Variants in GALNT13 observed in about 807,000 individuals in gnomAD.
The protein encoded by GALNT13 is polypeptide N-acetylgalactosaminyltransferase 13.
GALNT13 carries 28 observed loss-of-function variants against 64.2 expected under a neutral mutation model. The ratio of observed to expected loss-of-function variants is 0.44; its 90% CI spans 0.32 to 0.60. GALNT13 has a LOEUF of 0.60. Ranked by LOEUF, GALNT13 falls within the 20% of genes least tolerant of loss-of-function variation. The pLI is 0.05. For missense variants in GALNT13, 577 were observed against 669.8 expected (o/e 0.86, Z 1.53); for synonymous variants, 214 against 224.6 (o/e 0.95, Z 0.42).
At chr2:153,172,180 C>G in the GALNT13 span, 2 of 152,290 alleles carry the variant, frequency 1.3e-5, no homozygotes, top group African/African-American at 4.8e-5. Context: ...TATTTGATAT[C>G]CTAGCCTAGT....
intron 6 of GALNT13, among the ~76,000 whole-genome samples, chr2:154,243,779 C>T (rs1177148902): frequency 1.3e-5 from 2 of 152,114 alleles, no homozygotes; most frequent in Non-Finnish European, 2.9e-5. Context: ...ATAGTCATTT[C>T]GTCTATAGTA....
the GALNT13 span, among the ~76,000 whole-genome samples, chr2:153,090,993 G>T: frequency 2.0e-5 from 3 of 152,100 alleles, no homozygotes; most frequent in Admixed American, 1.3e-4. Context: ...GCCTGAGGCT[G>T]TGAGCTTCCC....
At position 154,420,467 on chromosome 2, in the gene GALNT13, G is replaced by A. The variant is rs562414008; in HGVS notation, c.1395+11385G>A. 4.7e-4 allele frequency among the ~76,000 whole-genome samples: 72 copies of A among 152,062 alleles called. 1 individual carries two copies. Among genetic ancestry groups the A allele is most frequent in the African/African-American group, 1.6e-3 (67 of 41,512 alleles). ...CCTTGTCTTCAAATAGTTTTCTCCT[G>A]TTTTATGCCTAATTCGTTTTGACTT... On this transcript the variant is annotated intron_variant, in intron 11 of 12. Coordinates refer to ENST00000392825, the MANE Select transcript of GALNT13 (RefSeq NM_052917.4).
intron 8 of GALNT13, among the ~76,000 whole-genome samples, chr2:154,279,759 A>G (rs984091123): frequency 6.6e-6 from 1 of 152,158 alleles, no homozygotes; most frequent in Non-Finnish European, 1.5e-5. Flanking sequence ...TTACTCTTCT[A>G]AAGTGTAATG....
chr2:154,142,976 A>G (rs545245744), intron 4 of GALNT13, among the ~76,000 whole-genome samples: 1 of 152,256 alleles, frequency 6.6e-6, no homozygotes. Context: ...ATGTTTAAAC[A>G]TTGCATTTAT....
intron 4 of GALNT13, among the ~76,000 whole-genome samples, chr2:154,231,020 A>T (rs1432829556): frequency 1.3e-5 from 2 of 152,038 alleles, no homozygotes; most frequent in African/African-American, 4.8e-5. Context: ...CTTTAGACAA[A>T]ACTCATTTTT....
intron 8 of GALNT13, among the ~76,000 whole-genome samples, chr2:154,292,662 A>G (rs559788519): frequency 6.6e-6 from 1 of 152,316 alleles, no homozygotes; most frequent in Admixed American, 6.5e-5. Context: ...TAATCATTGT[A>G]CTATATGGTC....
the GALNT13 span, among the ~76,000 whole-genome samples, chr2:153,744,238 T>A: frequency 1.5e-4 from 23 of 152,158 alleles, no homozygotes; most frequent in Non-Finnish European, 2.5e-4. Flanking sequence ...TTTTAGTTTT[T>A]TTGAGAAACC....
intron 3 of GALNT13, among the ~76,000 whole-genome samples, chr2:154,068,578 G>A (rs1276973343): frequency 6.6e-6 from 1 of 151,864 alleles, no homozygotes; most frequent in Admixed American, 6.6e-5. Flanking sequence ...AGGTTATTAT[G>A]CAAATGAATT....
At chr2:153,198,216 G>C in the GALNT13 span, among the ~76,000 whole-genome samples, 10 of 152,184 alleles carry the variant, frequency 6.6e-5, no homozygotes, top group Admixed American at 6.5e-4. Context: ...CTGTTGCTCA[G>C]TGGGTGTGTG....
intron 4 of GALNT13, among the ~76,000 whole-genome samples, chr2:154,144,906 A>T (rs1418937388): frequency 6.6e-6 from 1 of 151,662 alleles, no homozygotes; most frequent in Non-Finnish European, 1.5e-5. Flanking sequence ...ACACATTTGT[A>T]TGTAATCCTA....
At chr2:153,150,654 G>A in the GALNT13 span, among the ~76,000 whole-genome samples, 3 of 152,092 alleles carry the variant, frequency 2.0e-5, no homozygotes, top group Admixed American at 6.6e-5. Flanking sequence ...TTTGTATAAT[G>A]TGTAAGGAAG....
chr2:154,063,534 G>T (rs72868486), intron 3 of GALNT13, among the ~76,000 whole-genome samples: 10,884 of 152,072 alleles, frequency 0.072, 466 homozygotes, highest in Middle Eastern at 0.14. Flanking sequence ...GAAGTCCTGG[G>T]TTATGCTTGG....
chr2:153,405,831 G>A, the GALNT13 span, among the ~76,000 whole-genome samples: 1 of 152,098 alleles, frequency 6.6e-6, no homozygotes, highest in South Asian at 2.1e-4. Flanking sequence ...GAACTGCCCT[G>A]CCTAGAACTT....
chr2:153,090,198 A>G, the GALNT13 span, among the ~76,000 whole-genome samples: 1 of 152,094 alleles, frequency 6.6e-6, no homozygotes, highest in African/African-American at 2.4e-5. Flanking sequence ...CTTGAGAGCT[A>G]GACTGCAGGG....
At chr2:154,419,941 A>G (rs1191805695) in intron 11 of GALNT13, among the ~76,000 whole-genome samples, 1 of 152,152 alleles carries the variant, frequency 6.6e-6, no homozygotes, top group East Asian at 1.9e-4. Flanking sequence ...CATAACTGAG[A>G]TTAATATTAC....
the GALNT13 span, among the ~76,000 whole-genome samples, chr2:153,862,576 C>G: frequency 6.6e-6 from 1 of 152,046 alleles, no homozygotes; most frequent in Non-Finnish European, 1.5e-5. Flanking sequence ...TCCTAACACT[C>G]ATAAATTAGG....
At chr2:154,164,060 T>C (rs1215241628) in intron 4 of GALNT13, among the ~76,000 whole-genome samples, 1 of 152,218 alleles carries the variant, frequency 6.6e-6, no homozygotes, top group Non-Finnish European at 1.5e-5. Flanking sequence ...TGCAAAGCTT[T>C]ATATCATACT....
At chr2:153,079,313 A>G in the GALNT13 span, among the ~76,000 whole-genome samples, 1,243 of 152,328 alleles carry the variant, frequency 8.2e-3, 18 homozygotes, top group African/African-American at 0.028. Context: ...GTCAGATGGT[A>G]AGAGAAAGTG....
Sources: allele counts gnomAD v4.1 joint callset (sites outside exome capture counted in the v4.1 genomes callset), GRCh38; gene constraint gnomAD v4.1.1; transcripts MANE v1.5; gene names NCBI Gene and HGNC (gene_info 2026-07-23, HGNC 2026-07-21).